PCDHGB6: variants seen among roughly 807,000 people sequenced by gnomAD.
The protein encoded by PCDHGB6 is protocadherin gamma subfamily B, 6.
In PCDHGB6, 51 loss-of-function variants were observed where a neutral mutation model predicts 59.1. That is an observed-to-expected ratio of 0.86 (90% CI 0.69 to 1.09). The LOEUF (loss-of-function observed/expected upper bound fraction) is 1.09. Ranked by LOEUF, PCDHGB6 falls within the 50% of genes least tolerant of loss-of-function variation. The pLI is 0.00. For missense variants in PCDHGB6, 1,148 were observed against 1,205.1 expected (o/e 0.95, Z 0.70); for synonymous variants, 466 against 495.1 (o/e 0.94, Z 0.78).
At chr5:141,433,020 C>G (rs761127608) in intron 1 of PCDHGB6, 5 of 1,614,152 alleles carry the variant, frequency 3.1e-6, no homozygotes, top group East Asian at 2.2e-5. Flanking sequence ...CAGACCTATT[C>G]CCACGAGGTT....
At chr5:141,473,750 G>A (rs777343462) in intron 1 of PCDHGB6, among the ~76,000 whole-genome samples, 3 of 152,192 alleles carry the variant, frequency 2.0e-5, no homozygotes, top group Non-Finnish European at 4.4e-5. Context: ...TGAGAACTTG[G>A]ATACTATGCA....
At chr5:141,459,710 C>T (rs2098973565) in intron 1 of PCDHGB6, among the ~76,000 whole-genome samples, 1 of 152,204 alleles carries the variant, frequency 6.6e-6, no homozygotes, top group Non-Finnish European at 1.5e-5. Flanking sequence ...CATTTTCTCA[C>T]CAATGCTTCC....
At chr5:141,443,447 C>T (rs1267862519) in intron 1 of PCDHGB6, among the ~76,000 whole-genome samples, 1 of 152,184 alleles carries the variant, frequency 6.6e-6, no homozygotes, top group African/African-American at 2.4e-5. Flanking sequence ...GGTTGCGCTC[C>T]TGTACTCCAG....
intron 1 of PCDHGB6, chr5:141,413,949 T>C (rs1291474416): frequency 6.2e-7 from 1 of 1,613,218 alleles, no homozygotes; most frequent in African/African-American, 1.3e-5. Context: ...TTCCTGAGAA[T>C]TTGCCTGTGG....
chr5:141,452,364 A>G (rs1330623001), intron 1 of PCDHGB6, among the ~76,000 whole-genome samples: 1 of 152,188 alleles, frequency 6.6e-6, no homozygotes, highest in African/African-American at 2.4e-5. Flanking sequence ...GCCTTGCTTC[A>G]TTTTAGTAGG....
intron 1 of PCDHGB6, chr5:141,419,783 C>A: frequency 1.2e-6 from 2 of 1,614,070 alleles, no homozygotes; most frequent in Non-Finnish European, 1.7e-6. Context: ...CCGCCAGCGC[C>A]TGCTAGTCGC....
At chr5:141,414,926 G>T (rs2095802657) in intron 1 of PCDHGB6, 3 of 1,614,114 alleles carry the variant, frequency 1.9e-6, no homozygotes, top group Admixed American at 1.7e-5. Flanking sequence ...CTGGCGCCCC[G>T]CTCCGCAGAG....
intron 1 of PCDHGB6, among the ~76,000 whole-genome samples, chr5:141,464,203 T>G (rs2099077714): frequency 6.6e-6 from 1 of 150,780 alleles, no homozygotes; most frequent in South Asian, 2.1e-4. Flanking sequence ...AGGCGGAGAT[T>G]GCAGTGAGCT....
intron 1 of PCDHGB6, chr5:141,421,041 C>G (rs963777669): frequency 5.5e-6 from 3 of 546,514 alleles, no homozygotes; most frequent in Non-Finnish European, 9.5e-6. Context: ...TCCCTCCCTC[C>G]CCCGCCTCTA....
chr5:141,426,829 A>G, intron 1 of PCDHGB6: 2 of 456,716 alleles, frequency 4.4e-6, no homozygotes, highest in South Asian at 3.1e-5. Context: ...CTGATGATGG[A>G]CAAGACTAAA....
At chr5:141,483,648 T>TTGTGTG (rs111458813) in intron 1 of PCDHGB6, among the ~76,000 whole-genome samples, 20,229 of 149,628 alleles carry the variant, frequency 0.14, 2,147 homozygotes, top group African/African-American at 0.31. Context: ...GGGTGTGTGT[T>TTGTGTG]TGTGTGTGTG....
Position 141,408,213 on chromosome 5 carries a change from G to A in PCDHGB6, c.11G>A (p.Ser4Asn). ...GAACCCGAGCGAACGATGGGAGGGA[G>A]CTGCGCGCAGAGGCGCCGGGCCGGC... is the stretch of plus-strand genomic sequence containing the variant. MGG[S>N]CAQRRRAGPR... Residue 4 changes from serine (S) to asparagine (N), a missense_variant, in exon 1 of 4, where the codon AGC (serine) becomes AAC (asparagine). By Grantham distance (46) the Ser-to-Asn change is conservative (BLOSUM62 1). Around this residue, in one of 5 missense-constraint regions of PCDHGB6, gnomAD observed 307 missense variants for 323.8 expected, o/e 0.95. Coordinates refer to ENST00000520790, the MANE Select transcript of PCDHGB6 (RefSeq NM_018926.3). 6.4e-7 allele frequency: 1 copy of A among 1,554,970 alleles called. No individual in the cohort carries two copies. Among genetic ancestry groups the A allele is most frequent in the South Asian group, 1.2e-5 (1 of 84,810 alleles).
chr5:141,509,811 C>T (rs1321920000), intron 3 of PCDHGB6, among the ~76,000 whole-genome samples: 1 of 152,168 alleles, frequency 6.6e-6, no homozygotes, highest in African/African-American at 2.4e-5. Flanking sequence ...TAGAGCCGAG[C>T]TCTTCTCCAT....
At chr5:141,419,014 C>A (rs1332175722) in intron 1 of PCDHGB6, 1 of 1,613,780 alleles carries the variant, frequency 6.2e-7, no homozygotes, top group Non-Finnish European at 8.5e-7. Flanking sequence ...TCAGGTGTAG[C>A]TTAAGTAGAG....
At chr5:141,478,528 G>A (rs1013766552) in intron 1 of PCDHGB6, 1 of 1,609,730 alleles carries the variant, frequency 6.2e-7, no homozygotes, top group Non-Finnish European at 8.5e-7. Context: ...TGGGTGCAGA[G>A]AGCGCCCCTC....
chr5:141,419,084 GC>G (rs1218012099), intron 1 of PCDHGB6: 1 of 1,613,802 alleles, frequency 6.2e-7, no homozygotes, highest in African/African-American at 1.3e-5. Flanking sequence ...AACAGATGAG[GC>G]CCTGGATCGG....
chr5:141,491,817 G>T lies in PCDHGB6; in HGVS notation c.2419-2990G>T. On this transcript the variant is annotated intron_variant, in intron 1 of 3. Transcript: ENST00000520790. The surrounding 1 kb of genome is among the most constrained non-coding windows in gnomAD (Gnocchi z 6.9). ...TCTCCGGCCGGCTTGGTCGCTGGCT[G>T]CGCTCCACCCGATTCTCGGGATCAT... 1.3e-6 allele frequency: 2 copies of T among 1,484,188 alleles called. No homozygotes were observed. The highest frequency in any genetic ancestry group is 1.8e-6 in the Non-Finnish European group (2 of 1,117,664). 91.9% of individuals were successfully genotyped at this position (1,484,188 alleles called of 1,614,324 possible).
At chr5:141,506,969 A>G (rs923725359) in intron 3 of PCDHGB6, 7 of 152,208 alleles carry the variant, frequency 4.6e-5, no homozygotes, top group Non-Finnish European at 8.8e-5. Flanking sequence ...ATAGCTCTGC[A>G]AGGCAGGTCT....
chr5:141,479,188 A>G (rs2099489531), intron 1 of PCDHGB6: 1 of 152,606 alleles, frequency 6.6e-6, no homozygotes. Context: ...TAGAAAATTC[A>G]GAAAATACAG....
Sources: gnomAD v4.1 joint callset for allele counts (sites outside exome capture counted in the v4.1 genomes callset) on GRCh38, gnomAD v4.1.1 for gene constraint, gnomAD v4.1.1 regional missense constraint, Gnocchi (gnomAD v3.1) non-coding constraint, MANE v1.5 for transcripts, NCBI Gene and HGNC (gene_info 2026-07-23, HGNC 2026-07-21) for gene names.